The following ARHGEF28 variants were observed in gnomAD, a reference collection of about 807,000 sequenced individuals.
ARHGEF28 encodes the protein 190 kDa guanine nucleotide exchange factor.
In ARHGEF28, 152 loss-of-function variants were observed where a neutral mutation model predicts 206.6. That is an observed-to-expected ratio of 0.74 (90% CI 0.64 to 0.84). The LOEUF is 0.84. Among genes scored for constraint, ARHGEF28 ranks in the 40% least tolerant of loss-of-function variants. The pLI, the probability that ARHGEF28 is intolerant of heterozygous loss-of-function variation, is 0.00. For synonymous variants in ARHGEF28, 763 were observed against 776.4 expected (o/e 0.98, Z 0.29); for missense variants, 2,028 against 2,073.2 (o/e 0.98, Z 0.42).
chr5:73,752,938 T>A lies in ARHGEF28; in HGVS notation c.211T>A (p.Ser71Thr). The change falls in exon 4 of 36, where the codon TCT (serine) becomes ACT (threonine). Residue 71 changes from serine (S) to threonine (T), a missense_variant. Physicochemically the swap from Ser to Thr is moderately conservative, Grantham distance 58. Around this residue, in one of 3 missense-constraint regions of ARHGEF28, gnomAD observed 1,002 missense variants for 1,015.3 expected, o/e 0.99. Coordinates refer to ENST00000513042, the MANE Select transcript of ARHGEF28 (RefSeq NM_001177693.2). ...TGGGCTTCAGGAGACGGTGACGGTATCTGTGTGCCTCTGCTCGGAAGGTTA... is the reference window on the plus strand; with the variant it reads ...TGGGCTTCAGGAGACGGTGACGGTAACTGTGTGCCTCTGCTCGGAAGGTTA... The part of the protein sequence containing the change: ...GHGLQETVTV[S>T]VCLCSEGYSP... The A allele has an allele frequency of 6.2e-7, 1 of 1,613,908 alleles. No homozygotes were observed. The highest frequency in any genetic ancestry group is 8.5e-7 in the Non-Finnish European group (1 of 1,179,864).
intron 33 of ARHGEF28, chr5:73,908,424 T>G (rs950427515): frequency 1.3e-5 from 2 of 152,204 alleles, no homozygotes; most frequent in Non-Finnish European, 2.9e-5. Context: ...AGAAATGATT[T>G]CTCATATGGG....
chr5:73,854,610 C>G (rs1240801501), intron 14 of ARHGEF28, among the ~76,000 whole-genome samples: 1 of 152,006 alleles, frequency 6.6e-6, no homozygotes, highest in Non-Finnish European at 1.5e-5. Flanking sequence ...GCGGGCGGAT[C>G]ATCTGAGGTC....
chr5:73,737,527 T>TTTTCTTTTC (rs1561368163), intron 2 of ARHGEF28, among the ~76,000 whole-genome samples: 2 of 51,402 alleles, frequency 3.9e-5, no homozygotes, highest in Non-Finnish European at 8.7e-5. Flanking sequence ...CTTTTCTTTT[T>TTTTCTTTTC]TGTGATGGAG....
chr5:73,896,735 A>G (rs1381578935), intron 29 of ARHGEF28, among the ~76,000 whole-genome samples: 1 of 152,234 alleles, frequency 6.6e-6, no homozygotes, highest in African/African-American at 2.4e-5. Context: ...TAAAGGCTTG[A>G]TGAAATAAAT....
At chr5:73,651,571 T>C (rs2112165959) in intron 1 of ARHGEF28, among the ~76,000 whole-genome samples, 1 of 152,348 alleles carries the variant, frequency 6.6e-6, no homozygotes, top group East Asian at 1.9e-4. Context: ...GTAGAAAACC[T>C]GCAGTCAATG....
intron 24 of ARHGEF28, among the ~76,000 whole-genome samples, chr5:73,885,357 G>A (rs1306602991): frequency 2.0e-5 from 3 of 152,118 alleles, no homozygotes; most frequent in Non-Finnish European, 2.9e-5. Flanking sequence ...ACATCTTACT[G>A]TCAGCGGAAG....
chr5:73,682,133 G>A (rs1485274752), intron 1 of ARHGEF28, among the ~76,000 whole-genome samples: 2 of 152,106 alleles, frequency 1.3e-5, no homozygotes, highest in Non-Finnish European at 2.9e-5. Flanking sequence ...CCATTTAAGT[G>A]GGTCCACATA....
intron 4 of ARHGEF28, 145 bp downstream of exon 4, chr5:73,753,347 G>A: frequency 1.2e-6 from 1 of 837,266 alleles, no homozygotes; most frequent in Non-Finnish European, 1.7e-6. Context: ...GCTCCCTGAG[G>A]TCCTGAGCCA....
intron 1 of ARHGEF28, among the ~76,000 whole-genome samples, chr5:73,643,533 G>A (rs1744247657): frequency 6.6e-6 from 1 of 151,740 alleles, no homozygotes; most frequent in African/African-American, 2.4e-5. Flanking sequence ...TAAAAATTTG[G>A]GCTGGGCATG....
intron 2 of ARHGEF28, among the ~76,000 whole-genome samples, chr5:73,740,576 T>C: frequency 6.6e-6 from 1 of 152,164 alleles, no homozygotes; most frequent in Non-Finnish European, 1.5e-5. Flanking sequence ...TCTAATCCTA[T>C]GTCTGCATGA....
At chr5:73,766,105 C>T (rs1303303228) in intron 4 of ARHGEF28, among the ~76,000 whole-genome samples, 1 of 150,708 alleles carries the variant, frequency 6.6e-6, no homozygotes, top group Non-Finnish European at 1.5e-5. Context: ...TGAGCTGAGA[C>T]TGTGTGCCAC....
rs546886343 is a variant in ARHGEF28 at position 73,678,713 on chromosome 5, C to T, written c.-11-6128C>T. 1.1e-4 allele frequency among the ~76,000 whole-genome samples: 17 copies of T among 152,072 alleles called. No individual in the cohort carries two copies. The South Asian group carries it at 3.5e-3, about 32-fold the overall frequency. On this transcript the variant is annotated intron_variant, in intron 1 of 35. Transcript: ENST00000513042. The stretch of plus-strand genomic sequence containing the variant: ...TTCTACAAAGCCTGAAGGAAAAATA[C>T]TGTGAAAAATACTTATAGCTTGACA...
intron 7 of ARHGEF28, among the ~76,000 whole-genome samples, chr5:73,789,798 A>G (rs1430383196): frequency 6.6e-6 from 1 of 151,958 alleles, no homozygotes; most frequent in Non-Finnish European, 1.5e-5. Context: ...TAGATGCTGC[A>G]CACACACTCA....
At chr5:73,792,234 T>C (rs1411328369) in intron 7 of ARHGEF28, among the ~76,000 whole-genome samples, 1 of 152,208 alleles carries the variant, frequency 6.6e-6, no homozygotes, top group African/African-American at 2.4e-5. Flanking sequence ...TATTTTAATA[T>C]AGTTTGTGGT....
At chr5:73,930,859 C>T (rs1292185901) in intron 35 of ARHGEF28, among the ~76,000 whole-genome samples, 1 of 152,160 alleles carries the variant, frequency 6.6e-6, no homozygotes, top group Non-Finnish European at 1.5e-5. Context: ...GTCCTCTGTA[C>T]TTCTGTTCCA....
intron 9 of ARHGEF28, among the ~76,000 whole-genome samples, chr5:73,804,646 G>A (rs1179761478): frequency 6.6e-6 from 1 of 151,954 alleles, no homozygotes; most frequent in African/African-American, 2.4e-5. Context: ...TCAAGCTGCC[G>A]TTAATAAATA....
At chr5:73,819,298 C>A (rs1756425801) in intron 9 of ARHGEF28, among the ~76,000 whole-genome samples, 1 of 152,110 alleles carries the variant, frequency 6.6e-6, no homozygotes, top group Non-Finnish European at 1.5e-5. Flanking sequence ...GGAGGTGGTC[C>A]CTCCATTACT....
rs377178219 is a variant in ARHGEF28 at position 73,840,532 on chromosome 5, C to T, written c.1199C>T (p.Thr400Ile). 10 of 1,613,758 alleles carry T rather than the reference C, an allele frequency of 6.2e-6. No individual in the cohort carries two copies. The highest frequency in any genetic ancestry group is 8.5e-6 in the Non-Finnish European group (10 of 1,179,804). ...AATATAGAGGGAATCACTGCCACTACCAGCCCTGAATCCAGAGGTTGCACT... is the reference window on the plus strand; with the variant it reads ...AATATAGAGGGAATCACTGCCACTATCAGCCCTGAATCCAGAGGTTGCACT... ...YINIEGITAT[T>I]SPESRGCTLW... The change falls in exon 11 of 36, where the codon ACC becomes ATC. Residue 400 changes from threonine to isoleucine, a missense_variant. Physicochemically the swap from Thr to Ile is moderately conservative, Grantham distance 89 (BLOSUM62 -1). Transcript: ENST00000513042.
At chr5:73,696,291 G>A (rs901463108) in intron 2 of ARHGEF28, among the ~76,000 whole-genome samples, 9 of 152,186 alleles carry the variant, frequency 5.9e-5, no homozygotes, top group Admixed American at 5.2e-4. Flanking sequence ...ATGTAGGACT[G>A]CAGAAACCCT....
Sources: allele counts gnomAD v4.1 joint callset (sites outside exome capture counted in the v4.1 genomes callset), GRCh38; gene constraint gnomAD v4.1.1; regional missense constraint gnomAD v4.1.1; transcripts MANE v1.5; gene names NCBI Gene and HGNC (gene_info 2026-07-23, HGNC 2026-07-21).